SNTG1: variants seen among roughly 807,000 people sequenced by gnomAD.
The protein encoded by SNTG1 is gamma-1-syntrophin.
SNTG1 carries 39 observed loss-of-function variants against 74.7 expected under a neutral mutation model. The observed-to-expected ratio is 0.52, with a 90% confidence interval of 0.40 to 0.68. The LOEUF (loss-of-function observed/expected upper bound fraction) is 0.68, where lower values mean the gene tolerates loss of function less well. Among genes scored for constraint, SNTG1 ranks in the 30% least tolerant of loss-of-function variants. The pLI, the probability that SNTG1 is intolerant of heterozygous loss-of-function variation, is 0.00. For synonymous variants in SNTG1, 254 were observed against 217.1 expected, an observed-to-expected ratio of 1.17 and a Z score of -1.49; for missense variants, 685 against 609.5, an observed-to-expected ratio of 1.12 and a Z score of -1.30.
intron 15 of SNTG1, among the ~76,000 whole-genome samples, chr8:50,699,261 G>A (rs973884533): frequency 6.6e-6 from 1 of 152,100 alleles, no homozygotes; most frequent in African/African-American, 2.4e-5. Flanking sequence ...TCACATTCTT[G>A]TGAGGATCTT....
intron 1 of SNTG1, among the ~76,000 whole-genome samples, chr8:50,141,776 T>G (rs966469987): frequency 1.3e-5 from 2 of 152,028 alleles, no homozygotes; most frequent in Non-Finnish European, 2.9e-5. Context: ...AGAGAAAGAA[T>G]TAGAGGACCA....
chr8:50,129,493 C>T (rs1039023187), intron 1 of SNTG1, among the ~76,000 whole-genome samples: 1 of 152,088 alleles, frequency 6.6e-6, no homozygotes, highest in East Asian at 1.9e-4. Flanking sequence ...AAACTTGATT[C>T]TCACTGTCTT....
intron 8 of SNTG1, among the ~76,000 whole-genome samples, chr8:50,452,978 T>C (rs971626672): frequency 3.1e-4 from 47 of 152,234 alleles, no homozygotes; most frequent in African/African-American, 1.1e-3. Context: ...CCAAATAGCA[T>C]GCTGATATGC....
Position 50,285,845 on chromosome 8 carries a change from G to A in SNTG1, c.-27-108367G>A, listed in dbSNP as rs576723817. 6.0e-5 allele frequency among the ~76,000 whole-genome samples: 9 copies of A among 149,012 alleles called. No individual in the cohort carries two copies. The South Asian group carries it at 6.4e-4, about 11-fold the overall frequency. On this transcript the variant is annotated intron_variant, in intron 2 of 18. Transcript: ENST00000642720. ...AAAAAAAACAAAGGTGCTTATTAAC[G>A]TGACAATGAACAATATAATTATAGC... is the stretch of plus-strand genomic sequence containing the variant.
intron 2 of SNTG1, among the ~76,000 whole-genome samples, chr8:50,258,095 C>T (rs1195098974): frequency 6.6e-6 from 1 of 152,174 alleles, no homozygotes; most frequent in Non-Finnish European, 1.5e-5. Flanking sequence ...CAAATCTAGC[C>T]TAGCTAGTAA....
At chr8:50,664,319 T>A (rs1329992375) in intron 15 of SNTG1, among the ~76,000 whole-genome samples, 1 of 151,958 alleles carries the variant, frequency 6.6e-6, no homozygotes, top group Non-Finnish European at 1.5e-5. Flanking sequence ...ACTTTAATAA[T>A]TAAGAAAATG....
chr8:50,472,325 A>G (rs757969091), intron 8 of SNTG1, among the ~76,000 whole-genome samples: 1 of 152,216 alleles, frequency 6.6e-6, no homozygotes, highest in Non-Finnish European at 1.5e-5. Context: ...ACAATGTGGT[A>G]GTGATATAAA....
chr8:50,584,774 G>C (rs748355396), intron 12 of SNTG1, among the ~76,000 whole-genome samples: 1 of 152,090 alleles, frequency 6.6e-6, no homozygotes, highest in African/African-American at 2.4e-5. Context: ...TGTAACAGAA[G>C]AATACCAGTC....
In SNTG1 at chr8:50,738,972, C is replaced by T. The variant is rs967909456; in HGVS notation, c.1285-13029C>T. Among the ~76,000 whole-genome samples, 12 of 151,932 alleles carry T rather than the reference C, an allele frequency of 7.9e-5. No individual in the cohort carries two copies. The South Asian group carries it at 8.3e-4, about 11-fold the overall frequency. On this transcript the variant is annotated intron_variant, in intron 17 of 18. Transcript: ENST00000642720. ...AACCATAAAAACCCTAGAAGAAAAC[C>T]TAGGCAATACCATTCAGGACATAGG... is the stretch of plus-strand genomic sequence containing the variant.
chr8:50,632,381 G>T (rs750021501), intron 13 of SNTG1, among the ~76,000 whole-genome samples: 26 of 151,668 alleles, frequency 1.7e-4, no homozygotes, highest in Non-Finnish European at 3.1e-4. Flanking sequence ...TGCAATCTCG[G>T]CTCACTGCAA....
At chr8:50,153,893 G>A (rs186564304) in intron 1 of SNTG1, among the ~76,000 whole-genome samples, 9 of 152,058 alleles carry the variant, frequency 5.9e-5, no homozygotes, top group South Asian at 2.1e-4. Flanking sequence ...CTCAGATATC[G>A]AACTCCTGCT....
chr8:50,753,748 G>C (rs1387400274), intron 18 of SNTG1, among the ~76,000 whole-genome samples: 1 of 151,642 alleles, frequency 6.6e-6, no homozygotes. Context: ...ATAGATATTT[G>C]GTTGAGTGTA....
intron 1 of SNTG1, among the ~76,000 whole-genome samples, chr8:49,999,749 C>T (rs1814577257): frequency 6.6e-6 from 1 of 152,010 alleles, no homozygotes; most frequent in Non-Finnish European, 1.5e-5. Context: ...GCTCGGCTCT[C>T]CCACCGAGCC....
At chr8:50,582,801 T>A (rs1440520392) in intron 12 of SNTG1, among the ~76,000 whole-genome samples, 6 of 152,198 alleles carry the variant, frequency 3.9e-5, no homozygotes, top group Non-Finnish European at 5.9e-5. Context: ...AAGTGTCATT[T>A]TTAACTTTCT....
At chr8:50,032,420 T>C (rs1817809856) in intron 1 of SNTG1, among the ~76,000 whole-genome samples, 1 of 152,162 alleles carries the variant, frequency 6.6e-6, no homozygotes, top group Non-Finnish European at 1.5e-5. Flanking sequence ...AATATAAACA[T>C]TTAGAGTGCT....
chr8:49,947,320 T>A (rs1809285935), intron 1 of SNTG1, among the ~76,000 whole-genome samples: 2 of 152,164 alleles, frequency 1.3e-5, no homozygotes, highest in South Asian at 4.1e-4. Flanking sequence ...GAGTAATTTC[T>A]GTCCTCAATC....
Position 50,167,180 on chromosome 8 carries a change from C to T in SNTG1, c.-102-5381C>T, listed in dbSNP as rs940450214. On this transcript the variant is annotated intron_variant, in intron 1 of 18. Transcript: ENST00000642720. ...GAGATATACCTAATGCTAGATGACA[C>T]GTTAGTGGGTGCAGCACACCAGCAT... 9.0e-5 allele frequency among the ~76,000 whole-genome samples: 13 copies of T among 145,052 alleles called. No individual in the cohort carries two copies. In the Middle Eastern group the frequency reaches 0.01, roughly 117 times the overall value.
chr8:50,402,410 A>G (rs574508442), intron 4 of SNTG1, 66 bp downstream of exon 4: 6 of 1,510,898 alleles, frequency 4.0e-6, no homozygotes, highest in South Asian at 3.8e-5. Flanking sequence ...ATGTTTATTC[A>G]CAGGGCATTT....
chr8:50,346,760 T>C (rs543123990), intron 2 of SNTG1, among the ~76,000 whole-genome samples: 1 of 152,350 alleles, frequency 6.6e-6, no homozygotes, highest in African/African-American at 2.4e-5. Flanking sequence ...GAGAAAGCAT[T>C]AGTGATCTGT....
Sources: allele counts gnomAD v4.1 joint callset (sites outside exome capture counted in the v4.1 genomes callset), GRCh38; gene constraint gnomAD v4.1.1; transcripts MANE v1.5; gene names NCBI Gene and HGNC (gene_info 2026-07-23, HGNC 2026-07-21).